Variants in SLC24A3 observed in about 807,000 individuals in gnomAD.
SLC24A3 encodes the protein solute carrier family 24 member 3, also known as sodium/potassium/calcium exchanger 3.
SLC24A3 carries 28 observed loss-of-function variants against 75.8 expected under a neutral mutation model. That is an observed-to-expected ratio of 0.37 (90% CI 0.27 to 0.51). The LOEUF is 0.51. Among genes scored for constraint, SLC24A3 ranks in the 20% least tolerant of loss-of-function variants. The pLI, the probability that SLC24A3 is intolerant of heterozygous loss-of-function variation, is 0.94. For missense variants in SLC24A3, 663 were observed against 847.8 expected, an observed-to-expected ratio of 0.78 and a Z score of 2.71; for synonymous variants, 372 against 334.1, an observed-to-expected ratio of 1.11 and a Z score of -1.24.
In SLC24A3 at chr20:19,221,549, A is replaced by G. The variant is rs559576546; in HGVS notation, c.142+8565A>G. On this transcript the variant is annotated intron_variant, in intron 1 of 16. Transcript: ENST00000328041. ...GTGGAAAGTAAAGATTCAAGACTGT[A>G]TGTGCTTTAAAATATATTCCTTCTA... Among the ~76,000 whole-genome samples the G allele has an allele frequency of 2.6e-4, 40 of 152,258 alleles. 1 individual carries two copies. The South Asian group carries it at 8.3e-3, about 32-fold the overall frequency.
chr20:19,492,047 C>T (rs539275098), intron 2 of SLC24A3, among the ~76,000 whole-genome samples: 40 of 152,138 alleles, frequency 2.6e-4, no homozygotes, highest in Non-Finnish European at 5.1e-4. Flanking sequence ...CACACCGAAG[C>T]GGGGTGCAGA....
At chr20:19,569,320 T>G (rs2122619744) in intron 3 of SLC24A3, among the ~76,000 whole-genome samples, 1 of 152,332 alleles carries the variant, frequency 6.6e-6, no homozygotes, top group Middle Eastern at 3.4e-3. Context: ...ATTGAGGGCC[T>G]TAGTACATCG....
chr20:19,225,929 G>A (rs1296809628), intron 1 of SLC24A3, among the ~76,000 whole-genome samples: 1 of 152,060 alleles, frequency 6.6e-6, no homozygotes, highest in Non-Finnish European at 1.5e-5. Flanking sequence ...CCTTTTTCTT[G>A]ACTTATTACA....
chr20:19,644,205 C>T (rs535616338), intron 6 of SLC24A3, among the ~76,000 whole-genome samples: 57 of 152,286 alleles, frequency 3.7e-4, no homozygotes, highest in African/African-American at 1.3e-3. Context: ...CCTGCTGCAT[C>T]GCGTCCAGAT....
At chr20:19,627,324 G>A (rs1426795739) in intron 6 of SLC24A3, among the ~76,000 whole-genome samples, 1 of 152,156 alleles carries the variant, frequency 6.6e-6, no homozygotes, top group Non-Finnish European at 1.5e-5. Flanking sequence ...ATTCCATTAT[G>A]TCTAAATTCT....
At chr20:19,588,909 G>A (rs568864238) in intron 6 of SLC24A3, among the ~76,000 whole-genome samples, 101 of 152,348 alleles carry the variant, frequency 6.6e-4, no homozygotes, top group African/African-American at 2.4e-3. Flanking sequence ...CCGGCAGATG[G>A]CTCTAGTTTA....
intron 12 of SLC24A3, among the ~76,000 whole-genome samples, chr20:19,687,070 C>A (rs1207705905): frequency 1.3e-5 from 2 of 152,204 alleles, no homozygotes; most frequent in Non-Finnish European, 2.9e-5. Flanking sequence ...AAACAAGACC[C>A]TCTGATTAGC....
At chr20:19,455,655 A>G (rs1987565772) in intron 2 of SLC24A3, among the ~76,000 whole-genome samples, 1 of 152,232 alleles carries the variant, frequency 6.6e-6, no homozygotes, top group African/African-American at 2.4e-5. Context: ...GTAATTCAGC[A>G]TCCTCTCTCA....
At position 19,535,946 on chromosome 20, in the gene SLC24A3, G is replaced by C. The variant is rs550085037; in HGVS notation, c.348+20382G>C. On this transcript the variant is annotated intron_variant, in intron 3 of 16. Transcript: ENST00000328041. ...TGGCAGAAGGGCAAAGAGAGGAAAAGGGAGAGAGAAGATAGGGAGGCTGAA... is the reference window on the plus strand; with the variant it reads ...TGGCAGAAGGGCAAAGAGAGGAAAACGGAGAGAGAAGATAGGGAGGCTGAA... Among the ~76,000 whole-genome samples the C allele has an allele frequency of 7.2e-5, 11 of 152,286 alleles. No homozygotes were observed. In the East Asian group the frequency reaches 2.1e-3, roughly 29 times the overall value.
chr20:19,219,809 A>G (rs1981658129), intron 1 of SLC24A3, among the ~76,000 whole-genome samples: 2 of 152,236 alleles, frequency 1.3e-5, no homozygotes, highest in Admixed American at 1.3e-4. Flanking sequence ...AAAGTAAATT[A>G]AAACATGGGC....
chr20:19,628,202 C>CAAAAAAAAAAAAA (rs776701707), intron 6 of SLC24A3, among the ~76,000 whole-genome samples: 57 of 51,346 alleles, frequency 1.1e-3, no homozygotes, highest in Middle Eastern at 0.012. Flanking sequence ...GACTCCATCT[C>CAAAAAAAAAAAAA]AAAAAAAAAA....
At chr20:19,644,379 A>G (rs2032111214) in intron 6 of SLC24A3, among the ~76,000 whole-genome samples, 1 of 152,158 alleles carries the variant, frequency 6.6e-6, no homozygotes, top group South Asian at 2.1e-4. Context: ...GGCAGCATAC[A>G]GGTTCTGATG....
chr20:19,221,048 T>A (rs906522469), intron 1 of SLC24A3, among the ~76,000 whole-genome samples: 1 of 152,190 alleles, frequency 6.6e-6, no homozygotes, highest in African/African-American at 2.4e-5. Flanking sequence ...TAAACTTCTC[T>A]CCAGTTGCCT....
At chr20:19,397,086 G>A (rs1283645857) in intron 2 of SLC24A3, among the ~76,000 whole-genome samples, 1 of 152,118 alleles carries the variant, frequency 6.6e-6, no homozygotes, top group African/African-American at 2.4e-5. Flanking sequence ...TTTGATAAAT[G>A]TGTTTGTATA....
chr20:19,716,964 C>T (rs902505201), intron 15 of SLC24A3, among the ~76,000 whole-genome samples: 2 of 152,204 alleles, frequency 1.3e-5, no homozygotes, highest in Non-Finnish European at 2.9e-5. Flanking sequence ...CCAAAAATCC[C>T]TTTACTAACA....
chr20:19,540,558 A>C (rs146414929), intron 3 of SLC24A3, among the ~76,000 whole-genome samples: 1 of 152,218 alleles, frequency 6.6e-6, no homozygotes, highest in African/African-American at 2.4e-5. Flanking sequence ...CCCCTGCATC[A>C]TAAGTTCCAA....
intron 2 of SLC24A3, among the ~76,000 whole-genome samples, chr20:19,499,746 G>A (rs186075000): frequency 6.2e-4 from 94 of 152,212 alleles, no homozygotes; most frequent in South Asian, 2.1e-3. Context: ...AGATACTTGC[G>A]TATGCATATG....
intron 6 of SLC24A3, among the ~76,000 whole-genome samples, chr20:19,596,841 AAT>A (rs1424261439): frequency 1.3e-5 from 2 of 152,184 alleles, no homozygotes; most frequent in Non-Finnish European, 1.5e-5. Flanking sequence ...GAACAGGTGA[AAT>A]ACACAGCATT....
intron 6 of SLC24A3, among the ~76,000 whole-genome samples, chr20:19,633,627 C>G (rs2031964498): frequency 8.3e-6 from 1 of 120,420 alleles, no homozygotes; most frequent in African/African-American, 3.3e-5. Context: ...CCAGCCTGGG[C>G]GACAGAGCGA....
Sources: allele counts gnomAD v4.1 joint callset (sites outside exome capture counted in the v4.1 genomes callset), GRCh38; gene constraint gnomAD v4.1.1; transcripts MANE v1.5; gene names NCBI Gene and HGNC (gene_info 2026-07-23, HGNC 2026-07-21).